KATNAL2: variants seen among roughly 807,000 people sequenced by gnomAD.
KATNAL2 encodes katanin p60 ATPase-containing subunit A-like 2.
Under a neutral mutation model 76.3 loss-of-function variants are expected in KATNAL2, and 52 were observed. The ratio of observed to expected loss-of-function variants is 0.68; its 90% CI spans 0.55 to 0.86. The LOEUF (loss-of-function observed/expected upper bound fraction) is 0.86, where lower values mean the gene tolerates loss of function less well. Ranked by LOEUF, KATNAL2 falls within the 40% of genes least tolerant of loss-of-function variation. KATNAL2 has a pLI of 0.00. For synonymous variants in KATNAL2, 243 were observed against 244.2 expected (o/e 1.00, Z 0.05); for missense variants, 660 against 668.9 (o/e 0.99, Z 0.15).
chr18:47,065,890 G>A (rs768458809), intron 10 of KATNAL2, among the ~76,000 whole-genome samples: 74 of 152,104 alleles, frequency 4.9e-4, no homozygotes, highest in Non-Finnish European at 6.8e-4. Flanking sequence ...GCTTGAGCCC[G>A]GGAGGTTGAG....
In KATNAL2 at chr18:46,932,892, G is replaced by A. The variant is rs556235151; in HGVS notation, c.-509-13165G>A. On this transcript the variant is annotated intron_variant, in intron 1 of 17. Coordinates refer to ENST00000683218, the MANE Select transcript of KATNAL2 (RefSeq NM_001387690.1). ...CGATTCTCCTGCCTCAACCTCCTTA[G>A]TAACTGGGATTACAGGCGCGCTACC... Among the ~76,000 whole-genome samples, 515 of 151,756 alleles carry A rather than the reference G, an allele frequency of 3.4e-3. 1 individual carries two copies. The highest frequency in any genetic ancestry group is 5.9e-3 in the Non-Finnish European group (401 of 67,946).
intron 3 of KATNAL2, chr18:47,033,341 T>C (rs148904401): frequency 6.2e-7 from 1 of 1,613,978 alleles, no homozygotes; most frequent in Non-Finnish European, 8.5e-7. Context: ...TTGAAACAGA[T>C]CATCTTTGCC....
At chr18:47,079,089 CAATT>C (rs1029372824) in intron 15 of KATNAL2, among the ~76,000 whole-genome samples, 72 of 152,306 alleles carry the variant, frequency 4.7e-4, no homozygotes, top group African/African-American at 1.7e-3. Context: ...CCATCTTGCT[CAATT>C]TATTTCATCT....
At chr18:46,954,956 G>T (rs911335167) in intron 3 of KATNAL2, among the ~76,000 whole-genome samples, 2 of 151,838 alleles carry the variant, frequency 1.3e-5, no homozygotes, top group African/African-American at 4.8e-5. Context: ...CCTGGCCTCT[G>T]CTTCTTATTG....
intron 3 of KATNAL2, among the ~76,000 whole-genome samples, chr18:46,951,649 G>A (rs528704576): frequency 1.3e-5 from 2 of 152,122 alleles, no homozygotes; most frequent in South Asian, 4.2e-4. Context: ...AGATATATGG[G>A]AGGTAAAGTT....
intron 3 of KATNAL2, among the ~76,000 whole-genome samples, chr18:47,044,338 G>A (rs117792675): frequency 0.019 from 2,929 of 152,280 alleles, 34 homozygotes; most frequent in Non-Finnish European, 0.027. Context: ...GGGGAGATGT[G>A]GAGTTACTCT....
At position 47,102,064 on chromosome 18, in the gene KATNAL2, C is replaced by A. The variant is rs2063447184; in HGVS notation, c.*1059C>A. 1 of 152,186 alleles carries A rather than the reference C, an allele frequency of 6.6e-6. No homozygotes were observed. Among genetic ancestry groups the A allele is most frequent in the Non-Finnish European group, 1.5e-5 (1 of 68,040 alleles). 9.4% of individuals were successfully genotyped at this position (152,186 alleles called of 1,614,324 possible). A position where few individuals can be genotyped will look rare whatever the true frequency, so the allele number is the denominator to read the frequency against. ...GAGGAAAAACCTCCAGAAAGAGACA[C>A]TTTGGATAGCTAAGTATCCCAAAGG... On this transcript the variant is annotated 3_prime_UTR_variant, in exon 18 of 18. Coordinates refer to ENST00000683218, the MANE Select transcript of KATNAL2 (RefSeq NM_001387690.1).
At chr18:47,056,977 TC>T (rs1438175821) in intron 6 of KATNAL2, among the ~76,000 whole-genome samples, 1 of 152,032 alleles carries the variant, frequency 6.6e-6, no homozygotes, top group African/African-American at 2.4e-5. Context: ...ACATTCTTAT[TC>T]CTAGTTTAAA....
chr18:47,070,900 G>C (rs931029576), intron 13 of KATNAL2, among the ~76,000 whole-genome samples: 3 of 152,140 alleles, frequency 2.0e-5, no homozygotes, highest in Non-Finnish European at 4.4e-5. Context: ...ATCTAACTCA[G>C]TGCCAGTTCC....
intron 3 of KATNAL2, chr18:47,034,225 TGA>T: frequency 6.2e-7 from 1 of 1,613,880 alleles, no homozygotes. Context: ...CTTCCCCTCT[TGA>T]GTCTCTCGGT....
intron 11 of KATNAL2, 77 bp downstream of exon 11, chr18:47,067,196 G>T: frequency 1.6e-6 from 1 of 637,802 alleles, no homozygotes. Context: ...CAACTATCAG[G>T]AAGGGAAGGG....
chr18:46,961,903 T>C (rs1339558626), intron 3 of KATNAL2, among the ~76,000 whole-genome samples: 1 of 152,192 alleles, frequency 6.6e-6, no homozygotes, highest in African/African-American at 2.4e-5. Flanking sequence ...AGAATGTAGA[T>C]GGGGGTTTGC....
At chr18:47,097,118 C>CAAAAAA (rs58101085) in intron 15 of KATNAL2, among the ~76,000 whole-genome samples, 22 of 70,882 alleles carry the variant, frequency 3.1e-4, no homozygotes, top group African/African-American at 7.4e-4. Context: ...GACCCTGGCT[C>CAAAAAA]AAAAAAAAAA....
Position 46,931,513 on chromosome 18 carries a change from C to T in KATNAL2, c.-510+13587C>T, listed in dbSNP as rs527359985. Among the ~76,000 whole-genome samples the T allele has an allele frequency of 6.6e-5, 10 of 151,948 alleles. No homozygotes were observed. In the South Asian group the frequency reaches 8.3e-4, roughly 13 times the overall value. ...CTAAAAATACAAAAAATTAGCTGGG[C>T]GTGGTCGCACACACCTGTGGTCAAA... On this transcript the variant is annotated intron_variant, in intron 1 of 17. Coordinates refer to ENST00000683218, the MANE Select transcript of KATNAL2 (RefSeq NM_001387690.1).
At chr18:47,052,030 CT>C in intron 4 of KATNAL2, among the ~76,000 whole-genome samples, 1 of 152,298 alleles carries the variant, frequency 6.6e-6, no homozygotes, top group African/African-American at 2.4e-5. Flanking sequence ...ATCTGGGGTC[CT>C]TGGATGAGCT....
At chr18:47,082,041 TACTC>T (rs1351158353) in intron 15 of KATNAL2, among the ~76,000 whole-genome samples, 1 of 152,244 alleles carries the variant, frequency 6.6e-6, no homozygotes, top group Non-Finnish European at 1.5e-5. Flanking sequence ...ATGTAATTAA[TACTC>T]ACTTTATCCC....
intron 11 of KATNAL2, among the ~76,000 whole-genome samples, chr18:47,068,888 G>A (rs4986228): frequency 0.67 from 102,330 of 152,100 alleles, 34,899 homozygotes; most frequent in African/African-American, 0.79. Flanking sequence ...AATGCTCTCC[G>A]TATAGAAGTC....
chr18:47,061,145 C>T (rs972959290), intron 8 of KATNAL2, among the ~76,000 whole-genome samples: 1 of 152,202 alleles, frequency 6.6e-6, no homozygotes, highest in African/African-American at 2.4e-5. Flanking sequence ...TCAGAAAACC[C>T]CAGGTCTGTC....
chr18:47,032,919 A>T, intron 3 of KATNAL2: 1 of 1,609,190 alleles, frequency 6.2e-7, no homozygotes, highest in Non-Finnish European at 8.5e-7. Flanking sequence ...TCTGGTGTCC[A>T]TTGGAAGTTT....
Sources: allele counts gnomAD v4.1 joint callset (sites outside exome capture counted in the v4.1 genomes callset), GRCh38; gene constraint gnomAD v4.1.1; transcripts MANE v1.5; gene names NCBI Gene and HGNC (gene_info 2026-07-23, HGNC 2026-07-21).